The following PUS3 variants were observed in gnomAD, a reference collection of about 807,000 sequenced individuals.
PUS3 encodes the protein tRNA pseudouridine(38/39) synthase.
PUS3 carries 36 observed loss-of-function variants against 43.3 expected under a neutral mutation model. The ratio of observed to expected loss-of-function variants is 0.83; its 90% CI spans 0.64 to 1.10. The LOEUF is 1.10. Ranked by LOEUF, PUS3 falls within the 50% of genes least tolerant of loss-of-function variation. The pLI is 0.00. For missense variants in PUS3, 544 were observed against 589.9 expected (o/e 0.92, Z 0.81); for synonymous variants, 183 against 199.2 (o/e 0.92, Z 0.69).
At position 125,895,991 on chromosome 11, in the gene PUS3, G is replaced by A. The variant is rs1253713032; in HGVS notation, c.294C>T (p.Thr98=). ...TIEEKLFEAL[T]KTRLVESRQT... ...GTCTGCTTTCTACTAGTCGAGTCTT[G>A]GTTAGAGCTTCAAACAGTTTCTCTT... is the stretch of plus-strand genomic sequence containing the variant. Residue 98 remains threonine (T), a synonymous_variant, in exon 2 of 4, where the codon ACC becomes ACT. Transcript: ENST00000227474. 1 of 1,614,012 alleles carries A rather than the reference G, an allele frequency of 6.2e-7. No homozygotes were observed. Among genetic ancestry groups the A allele is most frequent in the Non-Finnish European group, 8.5e-7 (1 of 1,180,022 alleles).
chr11:125,900,646 ATGAACT>A (rs1381395915), intron 1 of PUS3: 4 of 267,868 alleles, frequency 1.5e-5, no homozygotes, highest in Non-Finnish European at 2.3e-5. Context: ...TTGGAAATTC[ATGAACT>A]TGAACATTAT....
At chr11:125,899,341 C>CAG (rs1224406837) in intron 1 of PUS3, 1 of 1,603,720 alleles carries the variant, frequency 6.2e-7, no homozygotes, top group Non-Finnish European at 8.5e-7. Flanking sequence ...TTATCTCTTG[C>CAG]AGAAGGTCCT....
Position 125,894,230 on chromosome 11 carries a change from C to G in PUS3, c.1001G>C (p.Trp334Ser). Reference sequence around the variant, plus strand: ...CTCCTGAGCCTCCTGGTCATAGATCCACTTGACATTTTCAAACTTACAGTC... The same window carrying G: ...CTCCTGAGCCTCCTGGTCATAGATCGACTTGACATTTTCAAACTTACAGTC... Reference protein sequence around the residue: ...LYDCKFENVKWIYDQEAQEFN... With the variant: ...LYDCKFENVKSIYDQEAQEFN... Residue 334 changes from tryptophan to serine, a missense_variant, in exon 4 of 4, where the codon TGG becomes TCG. Trp to Ser is a radical substitution (Grantham distance 177). Coordinates refer to ENST00000227474, the MANE Select transcript of PUS3 (RefSeq NM_031307.4). 1 of 1,613,044 alleles carries G rather than the reference C, an allele frequency of 6.2e-7. No individual in the cohort carries two copies. Among genetic ancestry groups the G allele is most frequent in the Non-Finnish European group, 8.5e-7 (1 of 1,179,132 alleles).
At chr11:125,895,857 T>C in intron 2 of PUS3, 50 bp downstream of exon 2, 2 of 1,590,164 alleles carry the variant, frequency 1.3e-6, no homozygotes, top group Non-Finnish European at 1.7e-6. Flanking sequence ...TGTGTATACC[T>C]AGAATATCCT....
At chr11:125,899,557 T>A in intron 1 of PUS3, 1 of 1,614,156 alleles carries the variant, frequency 6.2e-7, no homozygotes, top group Non-Finnish European at 8.5e-7. Context: ...AGCGACCTGC[T>A]CTTCCTGTGC....
At position 125,895,435 on chromosome 11, in the gene PUS3, G is replaced by T. The variant is rs757155405; in HGVS notation, c.733C>A (p.Gln245Lys). ...INFQRTILSA[Q>K]VQLVGQSPGE... is the part of the protein sequence containing the mutation. ...GGGCTCTGGCCCACTAGCTGTACTTGAGCAGATAGAATAGTCCTCTGAAAA... is the reference window on the plus strand; with the variant it reads ...GGGCTCTGGCCCACTAGCTGTACTTTAGCAGATAGAATAGTCCTCTGAAAA... The change falls in exon 3 of 4, where the codon CAA becomes AAA. Residue 245 changes from glutamine (Q) to lysine (K), a missense_variant. Coordinates refer to ENST00000227474, the MANE Select transcript of PUS3 (RefSeq NM_031307.4). The T allele has an allele frequency of 6.2e-7, 1 of 1,614,024 alleles. No individual in the cohort carries two copies. The highest frequency in any genetic ancestry group is 8.5e-7 in the Non-Finnish European group (1 of 1,179,978).
At chr11:125,899,380 T>TGGA (rs1342967167) in intron 1 of PUS3, 1 of 1,614,072 alleles carries the variant, frequency 6.2e-7, no homozygotes, top group Admixed American at 1.7e-5. Flanking sequence ...TGGAAGAACT[T>TGGA]CTACCTGATG....
intron 1 of PUS3, among the ~76,000 whole-genome samples, chr11:125,897,226 T>C (rs1158201115): frequency 6.6e-6 from 1 of 152,174 alleles, no homozygotes; most frequent in Non-Finnish European, 1.5e-5. Flanking sequence ...TTTTTTACTA[T>C]GAGTTTCTGT....
intron 1 of PUS3, chr11:125,900,110 C>G (rs1223865695): frequency 2.5e-6 from 4 of 1,614,096 alleles, no homozygotes; most frequent in South Asian, 1.1e-5. Flanking sequence ...GATGCTTTGT[C>G]GAGCAGAACC....
At chr11:125,901,464 G>A (rs1277080273) in intron 1 of PUS3, among the ~76,000 whole-genome samples, 1 of 152,100 alleles carries the variant, frequency 6.6e-6, no homozygotes, top group African/African-American at 2.4e-5. Context: ...CTGACCCAAC[G>A]GGGACCATCT....
intron 1 of PUS3, chr11:125,900,539 T>G: frequency 3.5e-5 from 15 of 432,296 alleles, no homozygotes; most frequent in Non-Finnish European, 4.0e-5. Context: ...AAGGGCCCTT[T>G]GTGTCCTGTA....
rs540554466 is a variant in PUS3, at chr11:125,898,858, A to G, written c.-46-2528T>C. 3.3e-5 allele frequency among the ~76,000 whole-genome samples: 5 copies of G among 152,162 alleles called. No individual in the cohort carries two copies. The South Asian group carries it at 8.3e-4, about 25-fold the overall frequency. On this transcript the variant is annotated intron_variant, in intron 1 of 3. Transcript: ENST00000227474. The stretch of plus-strand genomic sequence containing the variant: ...CTTGAGTTAGAATTTCAGCTCCACT[A>G]CTTACTAGCTGAGTAACCTTGGGCA...
chr11:125,900,362 C>T (rs912127123), intron 1 of PUS3: 23 of 1,235,848 alleles, frequency 1.9e-5, no homozygotes, highest in East Asian at 4.7e-5. Flanking sequence ...AGAAGCTCTT[C>T]GAAACATTTT....
At chr11:125,901,156 A>C (rs1944763872) in intron 1 of PUS3, among the ~76,000 whole-genome samples, 1 of 152,236 alleles carries the variant, frequency 6.6e-6, no homozygotes. Context: ...AAATGCCCCA[A>C]AACAGTACCA....
intron 1 of PUS3, chr11:125,899,048 C>A (rs1944677122): frequency 1.3e-5 from 4 of 306,888 alleles, no homozygotes; most frequent in South Asian, 5.6e-5. Context: ...GCAGTATGCC[C>A]CATATCATGT....
Position 125,895,554 on chromosome 11 carries a change from T to A in PUS3, c.614A>T (p.Asp205Val). The change falls in exon 3 of 4, where the codon GAT becomes GTT. Residue 205 changes from aspartate (D) to valine (V), a missense_variant. Asp to Val is a radical substitution (Grantham distance 152). Coordinates refer to ENST00000227474, the MANE Select transcript of PUS3 (RefSeq NM_031307.4). ...AGCTGCATAATCCATGGTTACAATA[T>A]CTAAATCAGCACGAGGGAAAAAATA... ...YRYFFPRADL[D>V]IVTMDYAAQK... is the part of the protein sequence containing the mutation. 1 of 1,614,140 alleles carries A rather than the reference T, an allele frequency of 6.2e-7. No homozygotes were observed. Among genetic ancestry groups the A allele is most frequent in the Non-Finnish European group, 8.5e-7 (1 of 1,180,028 alleles).
chr11:125,895,323 A>G lies in PUS3; in HGVS notation c.845T>C (p.Met282Thr). 14 of 1,614,166 alleles carry G rather than the reference A, an allele frequency of 8.7e-6. No homozygotes were observed. Among genetic ancestry groups the G allele is most frequent in the Non-Finnish European group, 1.2e-5 (14 of 1,180,004 alleles). The change falls in exon 3 of 4, where the codon ATG becomes ACG. Residue 282 changes from methionine (M) to threonine (T), a missense_variant. Physicochemically the swap from Met to Thr is moderately conservative, Grantham distance 81. Coordinates refer to ENST00000227474, the MANE Select transcript of PUS3 (RefSeq NM_031307.4). The stretch of plus-strand genomic sequence containing the variant: ...GCCAATCAGAAAGAGGATAGCCATC[A>G]TACATCGGACTTGATGATAAAGGAA... ...QAFLYHQVRCMMAILFLIGQG... is the reference protein window; with the variant it reads ...QAFLYHQVRCTMAILFLIGQG...
In PUS3 at chr11:125,898,310, G is replaced by A. The variant is rs1944652121; in HGVS notation, c.-46-1980C>T. On this transcript the variant is annotated intron_variant, in intron 1 of 3. Coordinates refer to ENST00000227474, the MANE Select transcript of PUS3 (RefSeq NM_031307.4). Reference sequence around the variant, plus strand: ...GATCCAGTCAGGAAACTAGCATTGGGTATGTGGCTGATTGATGTGGATACC... The same window carrying A: ...GATCCAGTCAGGAAACTAGCATTGGATATGTGGCTGATTGATGTGGATACC... Among the ~76,000 whole-genome samples the A allele has an allele frequency of 2.0e-5, 3 of 152,190 alleles. No individual in the cohort carries two copies. The South Asian group carries it at 6.2e-4, about 31-fold the overall frequency.
At chr11:125,895,082 T>C (rs1324908780) in intron 3 of PUS3, 142 bp downstream of exon 3, 2 of 538,208 alleles carry the variant, frequency 3.7e-6, no homozygotes, top group Non-Finnish European at 6.3e-6. Context: ...AGTCTCCCTC[T>C]GTCACCCATG....
Sources: gnomAD v4.1 joint callset for allele counts (sites outside exome capture counted in the v4.1 genomes callset) on GRCh38, gnomAD v4.1.1 for gene constraint, MANE v1.5 for transcripts, NCBI Gene and HGNC (gene_info 2026-07-23, HGNC 2026-07-21) for gene names.